The following DYNC1I1 variants were observed in gnomAD, a reference collection of about 807,000 sequenced individuals.
DYNC1I1 encodes the protein dynein cytoplasmic 1 intermediate chain 1.
In DYNC1I1, 43 loss-of-function variants were observed where a neutral mutation model predicts 86.6. The observed-to-expected ratio is 0.50, with a 90% CI of 0.39 to 0.64. The LOEUF (loss-of-function observed/expected upper bound fraction) is 0.64, where lower values mean the gene tolerates loss of function less well. Among genes scored for constraint, DYNC1I1 ranks in the 30% least tolerant of loss-of-function variants. The pLI, the probability that DYNC1I1 is intolerant of heterozygous loss-of-function variation, is 0.00. For synonymous variants in DYNC1I1, 262 were observed against 283.7 expected (o/e 0.92, Z 0.77); for missense variants, 604 against 788.8 (o/e 0.77, Z 2.81).
chr7:96,099,972 T>C (rs1791103042), downstream of DYNC1I1, among the ~76,000 whole-genome samples: 1 of 152,076 alleles, frequency 6.6e-6, no homozygotes. Context: ...ATAAGAGAAA[T>C]ACACAGCCAG....
chr7:95,817,774 C>G (rs1187146046), intron 4 of DYNC1I1, among the ~76,000 whole-genome samples: 3 of 152,184 alleles, frequency 2.0e-5, no homozygotes, highest in Non-Finnish European at 4.4e-5. Flanking sequence ...CTTCAGATAG[C>G]AACCAGAAGT....
chr7:95,979,326 T>A (rs924327035), intron 7 of DYNC1I1, among the ~76,000 whole-genome samples: 4 of 152,198 alleles, frequency 2.6e-5, no homozygotes, highest in African/African-American at 2.4e-5. Flanking sequence ...AGTTTAACCT[T>A]TTTTTGCCTC....
At chr7:95,870,101 G>A (rs950369366) in intron 6 of DYNC1I1, 103 bp downstream of exon 6, 2 of 994,968 alleles carry the variant, frequency 2.0e-6, no homozygotes, top group Non-Finnish European at 2.9e-6. Flanking sequence ...GCTCTTCATG[G>A]GATACAAACA....
Position 95,878,941 on chromosome 7 carries a change from A to G in DYNC1I1, c.490+8943A>G, listed in dbSNP as rs1317110136. Among the ~76,000 whole-genome samples, 5 of 33,536 alleles carry G rather than the reference A, an allele frequency of 1.5e-4. No individual in the cohort carries two copies. The East Asian group carries it at 5.2e-3, about 35-fold the overall frequency. The allele number at this position is 33,536 out of a possible 152,430, so 22.0% of individuals were successfully genotyped here. ...TGGTGTGGTGTATTCCTAGTGCCCA[A>G]AGAAAAGAAGAAAAAAAAAAAAACA... On this transcript the variant is annotated intron_variant, in intron 6 of 16. Coordinates refer to ENST00000447467, the MANE Select transcript of DYNC1I1 (RefSeq NM_001135556.2).
intron 5 of DYNC1I1, among the ~76,000 whole-genome samples, chr7:95,841,306 T>C (rs1789274607): frequency 6.6e-6 from 1 of 152,194 alleles, no homozygotes; most frequent in African/African-American, 2.4e-5. Context: ...GACTAGTGAC[T>C]GCCTGCCCTG....
intron 6 of DYNC1I1, among the ~76,000 whole-genome samples, chr7:95,909,640 T>TG: frequency 6.6e-6 from 1 of 152,160 alleles, no homozygotes; most frequent in Non-Finnish European, 1.5e-5. Context: ...ATCACCCCCT[T>TG]GCTTAAAACC....
intron 6 of DYNC1I1, among the ~76,000 whole-genome samples, chr7:95,923,537 TA>T (rs1791665895): frequency 6.6e-6 from 1 of 152,252 alleles, no homozygotes; most frequent in Admixed American, 6.5e-5. Context: ...CCCTGCTTTG[TA>T]AATGTAAGGT....
chr7:95,893,254 G>T (rs981121307), intron 6 of DYNC1I1, among the ~76,000 whole-genome samples: 2 of 152,154 alleles, frequency 1.3e-5, no homozygotes, highest in Non-Finnish European at 2.9e-5. Context: ...GACAGTTTGA[G>T]AAATATAAAT....
intron 5 of DYNC1I1, among the ~76,000 whole-genome samples, chr7:95,835,542 T>A (rs1292651614): frequency 6.6e-6 from 1 of 151,526 alleles, no homozygotes; most frequent in Non-Finnish European, 1.5e-5. Context: ...ACTTTCTGTC[T>A]CATTGATCTG....
intron 1 of DYNC1I1, among the ~76,000 whole-genome samples, chr7:95,784,803 A>G (rs940452791): frequency 2.6e-5 from 4 of 152,220 alleles, no homozygotes; most frequent in African/African-American, 9.6e-5. Flanking sequence ...CAGACTTATC[A>G]GTGAGAGGTC....
At chr7:96,014,299 AG>A (rs1266285898) in intron 10 of DYNC1I1, among the ~76,000 whole-genome samples, 7 of 152,194 alleles carry the variant, frequency 4.6e-5, no homozygotes, top group Admixed American at 4.6e-4. Flanking sequence ...CTATAGAAAG[AG>A]AGTCTTTCCA....
chr7:95,863,466 T>C (rs1352778943), intron 5 of DYNC1I1, among the ~76,000 whole-genome samples: 1 of 151,932 alleles, frequency 6.6e-6, no homozygotes. Context: ...AACCATTAAA[T>C]TATACAGTTT....
chr7:95,828,963 T>C (rs1795262563), intron 5 of DYNC1I1, among the ~76,000 whole-genome samples: 1 of 152,166 alleles, frequency 6.6e-6, no homozygotes, highest in Non-Finnish European at 1.5e-5. Context: ...ACGGTGGAAG[T>C]ATTTACACCA....
At chr7:95,993,314 T>C (rs905701153) in intron 9 of DYNC1I1, among the ~76,000 whole-genome samples, 4 of 152,176 alleles carry the variant, frequency 2.6e-5, no homozygotes, top group African/African-American at 9.6e-5. Context: ...CTCCCTGTTT[T>C]CTAAAGGAGT....
chr7:95,940,591 A>G (rs906159851), intron 6 of DYNC1I1, among the ~76,000 whole-genome samples: 5 of 152,214 alleles, frequency 3.3e-5, no homozygotes, highest in Admixed American at 1.3e-4. Context: ...TGATCGCATC[A>G]GCTCCTGAGG....
intron 10 of DYNC1I1, among the ~76,000 whole-genome samples, chr7:96,027,447 T>C (rs933364585): frequency 6.6e-6 from 1 of 152,220 alleles, no homozygotes; most frequent in African/African-American, 2.4e-5. Flanking sequence ...CCCAGTAGTC[T>C]TTTATGGAGC....
At chr7:95,860,002 G>A (rs539929007) in intron 5 of DYNC1I1, among the ~76,000 whole-genome samples, 40 of 152,136 alleles carry the variant, frequency 2.6e-4, no homozygotes, top group Non-Finnish European at 4.7e-4. Flanking sequence ...TCTTCAATGT[G>A]TATTTTCTTA....
chr7:95,859,143 T>C (rs1229709787), intron 5 of DYNC1I1, among the ~76,000 whole-genome samples: 1 of 151,444 alleles, frequency 6.6e-6, no homozygotes, highest in Non-Finnish European at 1.5e-5. Flanking sequence ...TCAGTTCCAG[T>C]ATTTTTGTTT....
downstream of DYNC1I1, among the ~76,000 whole-genome samples, chr7:96,102,421 T>C (rs73708474): frequency 2.4e-4 from 36 of 152,310 alleles, no homozygotes; most frequent in African/African-American, 8.7e-4. Flanking sequence ...TTTAAGGACC[T>C]GCTACTTCAG....
Sources: allele counts gnomAD v4.1 joint callset (sites outside exome capture counted in the v4.1 genomes callset), GRCh38; gene constraint gnomAD v4.1.1; transcripts MANE v1.5; gene names NCBI Gene and HGNC (gene_info 2026-07-23, HGNC 2026-07-21).